CACNA1C: variants seen among roughly 807,000 people sequenced by gnomAD.
The protein encoded by CACNA1C is calcium voltage-gated channel subunit alpha1 C.
In CACNA1C, 30 loss-of-function variants were observed where a neutral mutation model predicts 229.0. The observed-to-expected ratio is 0.13, with a 90% CI of 0.10 to 0.18. The LOEUF (loss-of-function observed/expected upper bound fraction) is 0.18, where lower values mean the gene tolerates loss of function less well. CACNA1C is among the 10% of genes least tolerant of loss of function. CACNA1C has a pLI of 1.00. For missense variants in CACNA1C, 1,658 were observed against 2,845.0 expected (o/e 0.58, Z 9.49); for synonymous variants, 1,114 against 1,132.5 (o/e 0.98, Z 0.33).
chr12:2,172,779 T>C (rs2096535372), intron 3 of CACNA1C, among the ~76,000 whole-genome samples: 1 of 152,248 alleles, frequency 6.6e-6, no homozygotes, highest in South Asian at 2.1e-4. Flanking sequence ...GCTAATTAGA[T>C]ACTGCAAAAT....
chr12:2,499,592 T>A (rs900881106), intron 7 of CACNA1C, among the ~76,000 whole-genome samples: 1 of 152,206 alleles, frequency 6.6e-6, no homozygotes, highest in African/African-American at 2.4e-5. Context: ...TCTTTGATAG[T>A]GTTCATTCAA....
chr12:1,973,716 A>T (rs779323135), intron 1 of CACNA1C, among the ~76,000 whole-genome samples: 1 of 152,214 alleles, frequency 6.6e-6, no homozygotes, highest in Non-Finnish European at 1.5e-5. Context: ...GAGATATAAC[A>T]GAGTAAATAA....
intron 1 of CACNA1C, among the ~76,000 whole-genome samples, chr12:2,100,772 G>A (rs1309151438): frequency 6.6e-6 from 1 of 151,268 alleles, no homozygotes; most frequent in East Asian, 2.0e-4. Context: ...AGAAAAAAAG[G>A]TCGGGGGCAG....
At chr12:2,550,478 G>C (rs1164759475) in intron 10 of CACNA1C, 2 of 1,271,532 alleles carry the variant, frequency 1.6e-6, no homozygotes, top group Non-Finnish European at 2.1e-6. Flanking sequence ...AAGCAGCCAG[G>C]TGAGAAGATG....
chr12:2,302,452 A>G (rs911021581), intron 3 of CACNA1C, among the ~76,000 whole-genome samples: 2 of 151,964 alleles, frequency 1.3e-5, no homozygotes, highest in East Asian at 1.9e-4. Context: ...TGCCTCGTCC[A>G]TACTGCCCAT....
At chr12:2,437,523 C>G (rs2099146102) in intron 3 of CACNA1C, among the ~76,000 whole-genome samples, 1 of 152,248 alleles carries the variant, frequency 6.6e-6, no homozygotes, top group African/African-American at 2.4e-5. Flanking sequence ...GATCTGTTTG[C>G]TCATCTCTAT....
intron 3 of CACNA1C, among the ~76,000 whole-genome samples, chr12:2,199,636 G>A (rs1444462644): frequency 1.3e-5 from 2 of 152,052 alleles, no homozygotes; most frequent in African/African-American, 2.4e-5. Flanking sequence ...GGGAGTCAGC[G>A]CCCCCAGTCC....
intron 3 of CACNA1C, among the ~76,000 whole-genome samples, chr12:2,202,252 C>A (rs1222409393): frequency 6.6e-6 from 1 of 152,190 alleles, no homozygotes; most frequent in Non-Finnish European, 1.5e-5. Context: ...GCCCAGGCTG[C>A]CATGTGGCCT....
chr12:2,643,744 G>C (rs2094010769), intron 30 of CACNA1C, among the ~76,000 whole-genome samples: 1 of 152,114 alleles, frequency 6.6e-6, no homozygotes, highest in Non-Finnish European at 1.5e-5. Flanking sequence ...ACACCTGCTG[G>C]CTCCTGGCCA....
chr12:2,677,202 G>A lies in CACNA1C; in HGVS notation c.4937G>A (p.Arg1646Lys). ...GGCCTTGTGGGCAAGCCCTCCCAGA[G>A]GAACGCGCTGTCTCTGCAGGTGAGG... ...EQGLVGKPSQRNALSLQAGLR... is the reference protein window; with the variant it reads ...EQGLVGKPSQKNALSLQAGLR... Residue 1646 changes from arginine (R) to lysine (K), a missense_variant, in exon 40 of 47, where the codon AGG becomes AAG. Arg to Lys is a conservative substitution (Grantham distance 26). This residue lies in a region of CACNA1C where 590 missense variants were observed against 700.8 expected (regional missense o/e 0.84). Coordinates refer to ENST00000399655, the MANE Select transcript of CACNA1C (RefSeq NM_000719.7). The surrounding 1 kb of genome is among the most constrained non-coding windows in gnomAD (Gnocchi z 7.4). 6.2e-7 allele frequency: 1 copy of A among 1,613,732 alleles called. No homozygotes were observed. The highest frequency in any genetic ancestry group is 8.5e-7 in the Non-Finnish European group (1 of 1,179,804).
chr12:2,415,288 A>G (rs189626071), intron 3 of CACNA1C, among the ~76,000 whole-genome samples: 50 of 152,152 alleles, frequency 3.3e-4, no homozygotes, highest in African/African-American at 1.2e-3. Context: ...GAGTAGGCTC[A>G]ACCATTCGCC....
In CACNA1C at chr12:2,053,959, C is replaced by T. The variant is rs1193339809; in HGVS notation, c.49+348C>T. On this transcript the variant is annotated intron_variant, in intron 1 of 46. Transcript: ENST00000399655. This position sits in a 1 kb window ranked among gnomAD's most constrained non-coding sequence, Gnocchi z 5.8. ...CTGGAGAGCCCGGCTGCCTGGCCAG[C>T]CGCGCGGGGGGCAGAGGGCGCCGGC... Among the ~76,000 whole-genome samples, 1 of 149,464 alleles carries T rather than the reference C, an allele frequency of 6.7e-6. No individual in the cohort carries two copies. The highest frequency in any genetic ancestry group is 1.5e-5 in the Non-Finnish European group (1 of 67,148).
Position 2,651,581 on chromosome 12 carries a change from C to G in CACNA1C, c.3946-59C>G. On this transcript the variant is annotated intron_variant, in intron 31 of 46. Transcript: ENST00000399655. The surrounding 1 kb of genome is among the most constrained non-coding windows in gnomAD (Gnocchi z 5.4). ...GGTCTGTATTTCTCGGAGGGGCCCT[C>G]CTGTTCTCACCCCCCTCTTGCTGTG... is the stretch of plus-strand genomic sequence containing the variant. The G allele has an allele frequency of 3.1e-6, 5 of 1,613,616 alleles. No homozygotes were observed. Among genetic ancestry groups the G allele is most frequent in the Non-Finnish European group, 4.2e-6 (5 of 1,179,668 alleles).
intron 3 of CACNA1C, among the ~76,000 whole-genome samples, chr12:2,395,050 C>T (rs568942831): frequency 1.9e-4 from 29 of 152,170 alleles, no homozygotes; most frequent in African/African-American, 6.7e-4. Context: ...GACAGGATCT[C>T]ACTCTGTTGC....
intron 3 of CACNA1C, among the ~76,000 whole-genome samples, chr12:2,393,241 A>T (rs561864563): frequency 6.6e-6 from 1 of 152,166 alleles, no homozygotes; most frequent in South Asian, 2.1e-4. Context: ...CAAACCAAGC[A>T]GAAAATGCAG....
intron 13 of CACNA1C, among the ~76,000 whole-genome samples, chr12:2,577,361 CT>C (rs2058797102): frequency 6.6e-6 from 1 of 152,234 alleles, no homozygotes; most frequent in African/African-American, 2.4e-5. Context: ...AATGTGAGTT[CT>C]TCCCCAAAGG....
intron 1 of CACNA1C, among the ~76,000 whole-genome samples, chr12:1,998,601 C>G (rs1384150712): frequency 6.6e-6 from 1 of 152,154 alleles, no homozygotes; most frequent in Non-Finnish European, 1.5e-5. Context: ...AGTTAGGACT[C>G]AAGAAATCTG....
intron 1 of CACNA1C, among the ~76,000 whole-genome samples, chr12:2,019,534 AAAGGAAGGAAGGAAAG>A (rs1318276830): frequency 2.0e-5 from 3 of 150,300 alleles, no homozygotes; most frequent in South Asian, 4.2e-4. Context: ...GAAGGAAAAG[AAAGGAAGGAAGGAAAG>A]AAGGAAGGAA....
intron 9 of CACNA1C, among the ~76,000 whole-genome samples, chr12:2,519,781 G>C (rs1463454027): frequency 6.6e-6 from 1 of 152,194 alleles, no homozygotes; most frequent in Non-Finnish European, 1.5e-5. Flanking sequence ...TGTTGTGAGA[G>C]GCATCTCACC....
Sources: gnomAD v4.1 joint callset for allele counts (sites outside exome capture counted in the v4.1 genomes callset) on GRCh38, gnomAD v4.1.1 for gene constraint, gnomAD v4.1.1 regional missense constraint, Gnocchi (gnomAD v3.1) non-coding constraint, MANE v1.5 for transcripts, NCBI Gene and HGNC (gene_info 2026-07-23, HGNC 2026-07-21) for gene names.